Variants in ACYP2 observed in about 807,000 individuals in gnomAD.
ACYP2 encodes acylphosphatase-2.
Under a neutral mutation model 11.2 loss-of-function variants are expected in ACYP2, and 12 were observed. The ratio of observed to expected loss-of-function variants is 1.08; its 90% CI spans 0.69 to 1.74. ACYP2 has a LOEUF of 1.74. Ranked by LOEUF, ACYP2 falls within the 40% of genes most tolerant of loss-of-function variation. ACYP2 has a pLI of 0.00. For missense variants in ACYP2, 134 were observed against 101.9 expected (o/e 1.31, Z -1.35); for synonymous variants, 43 against 32.2 (o/e 1.33, Z -1.13).
At chr2:54,082,065 C>A (rs915107645) in intron 4 of ACYP2, among the ~76,000 whole-genome samples, 2 of 152,214 alleles carry the variant, frequency 1.3e-5, no homozygotes, top group Non-Finnish European at 2.9e-5. Context: ...TGTCCTGCCC[C>A]AGCCTGGAGC....
chr2:53,994,191 G>A (rs534191683), intron 2 of ACYP2, among the ~76,000 whole-genome samples: 64 of 152,106 alleles, frequency 4.2e-4, no homozygotes, highest in African/African-American at 1.5e-3. Flanking sequence ...TTAGCTGGGC[G>A]TGGTGGCAGG....
At chr2:54,249,611 T>C (rs1026759145) in intron 6 of ACYP2, among the ~76,000 whole-genome samples, 1 of 152,060 alleles carries the variant, frequency 6.6e-6, no homozygotes, top group African/African-American at 2.4e-5. Flanking sequence ...AGGTAAATCT[T>C]CATATTTAGA....
At chr2:54,138,053 A>T (rs995316642) in intron 5 of ACYP2, among the ~76,000 whole-genome samples, 2 of 151,886 alleles carry the variant, frequency 1.3e-5, no homozygotes, top group East Asian at 3.9e-4. Flanking sequence ...GCATTTTTTC[A>T]TATGCTTCTT....
chr2:54,027,837 CTTTTTTTTT>C (rs34122179), intron 2 of ACYP2, among the ~76,000 whole-genome samples: 1 of 97,892 alleles, frequency 1.0e-5, no homozygotes, highest in African/African-American at 4.2e-5. Context: ...TTCTTTCTTT[CTTTTTTTTT>C]TTTTTTTTTT....
intron 2 of ACYP2, among the ~76,000 whole-genome samples, chr2:54,044,089 C>T (rs543050342): frequency 6.6e-6 from 1 of 152,250 alleles, no homozygotes; most frequent in East Asian, 1.9e-4. Context: ...TCTAGATCTC[C>T]ATCTCCAAAC....
chr2:54,067,656 A>G (rs575245308), intron 4 of ACYP2, among the ~76,000 whole-genome samples: 2 of 152,198 alleles, frequency 1.3e-5, no homozygotes, highest in African/African-American at 2.4e-5. Flanking sequence ...TGGTAACTGT[A>G]CCTAAAATTA....
intron 2 of ACYP2, among the ~76,000 whole-genome samples, chr2:54,014,097 G>A (rs1311164044): frequency 1.3e-5 from 2 of 151,998 alleles, no homozygotes; most frequent in Non-Finnish European, 2.9e-5. Flanking sequence ...GGCGGAAATT[G>A]CAGTGAGCTG....
chr2:54,112,306 A>C (rs1486849447), intron 4 of ACYP2, among the ~76,000 whole-genome samples: 1 of 152,244 alleles, frequency 6.6e-6, no homozygotes, highest in Non-Finnish European at 1.5e-5. Context: ...CTCAGGTTAC[A>C]AAACCAAAGC....
At chr2:53,992,107 CCTCCCTCT>C (rs1672327904) in intron 2 of ACYP2, among the ~76,000 whole-genome samples, 3 of 149,984 alleles carry the variant, frequency 2.0e-5, no homozygotes, top group African/African-American at 7.4e-5. Context: ...TCCTTCCCTC[CCTCCCTCT>C]CTCCCTTTCT....
In ACYP2 at chr2:54,094,321, AGGTTCAAGC is replaced by A. The variant is rs1474482053; in HGVS notation, c.277+36962_277+36970del. 2.7e-5 allele frequency among the ~76,000 whole-genome samples: 4 copies of A among 149,436 alleles called. No individual in the cohort carries two copies. In the East Asian group the frequency reaches 6.0e-4, roughly 22 times the overall value. ...CGGCTCACTGCAAACTTCGCCTCCC[AGGTTCAAGC>A]AATTCTCCTGCCTCAGCCTACCAAA... On this transcript the variant is annotated intron_variant, in intron 4 of 6. Transcript: ENST00000607452.
At position 54,115,593 on chromosome 2, in the gene ACYP2, G is replaced by A. The variant is rs370559800; in HGVS notation, c.278-19860G>A. On this transcript the variant is annotated intron_variant, in intron 4 of 6. Transcript: ENST00000607452. ...CTAGCGTCCGGGACCGGTGACAGGCGCGGGGTGCGCCAAGCAGTCCCATGT... is the reference window on the plus strand; with the variant it reads ...CTAGCGTCCGGGACCGGTGACAGGCACGGGGTGCGCCAAGCAGTCCCATGT... The A allele has an allele frequency of 3.7e-5, 57 of 1,544,628 alleles. No individual in the cohort carries two copies. The Middle Eastern group carries it at 6.5e-4, about 18-fold the overall frequency.
intron 2 of ACYP2, among the ~76,000 whole-genome samples, chr2:54,005,037 T>C (rs1031443470): frequency 6.6e-6 from 1 of 152,138 alleles, no homozygotes; most frequent in Non-Finnish European, 1.5e-5. Context: ...ACTCTCTGTA[T>C]AGTGTCTCTC....
In ACYP2 at chr2:54,278,082, A is replaced by C. The variant is rs537405627; in HGVS notation, c.405-26606A>C. On this transcript the variant is annotated intron_variant, in intron 6 of 6. Coordinates refer to ENST00000607452, the MANE Select transcript of ACYP2 (RefSeq NM_001320586.2). ...AAGCTCTGCCTCCCAGGTTCATGCC[A>C]TTCTCCCGCCTCAGCCTCCTGAGTA... is the stretch of plus-strand genomic sequence containing the variant. Among the ~76,000 whole-genome samples, 623 of 152,230 alleles carry C rather than the reference A, an allele frequency of 4.1e-3. 1 individual carries two copies. Among genetic ancestry groups the C allele is most frequent in the Non-Finnish European group, 7.2e-3 (488 of 68,012 alleles).
intron 6 of ACYP2, among the ~76,000 whole-genome samples, chr2:54,258,188 A>G (rs1687638794): frequency 6.6e-6 from 1 of 152,212 alleles, no homozygotes; most frequent in Non-Finnish European, 1.5e-5. Flanking sequence ...TGCTATGGAA[A>G]AAACAATAGA....
At chr2:54,014,090 G>A (rs980575533) in intron 2 of ACYP2, among the ~76,000 whole-genome samples, 2 of 151,936 alleles carry the variant, frequency 1.3e-5, no homozygotes, top group Non-Finnish European at 2.9e-5. Flanking sequence ...CCTGGGAGGC[G>A]GAAATTGCAG....
chr2:54,124,753 T>C (rs1012036431), intron 4 of ACYP2, among the ~76,000 whole-genome samples: 3 of 152,132 alleles, frequency 2.0e-5, no homozygotes, highest in African/African-American at 7.2e-5. Context: ...CAGGCTAGAG[T>C]GCAGCAGTGT....
At chr2:54,080,633 C>G (rs1677595993) in intron 4 of ACYP2, among the ~76,000 whole-genome samples, 1 of 152,140 alleles carries the variant, frequency 6.6e-6, no homozygotes, top group Admixed American at 6.5e-5. Context: ...GGATTACAGG[C>G]ACCTGCCACC....
chr2:54,158,793 T>A (rs1054561565), intron 6 of ACYP2, among the ~76,000 whole-genome samples: 1 of 152,128 alleles, frequency 6.6e-6, no homozygotes, highest in Non-Finnish European at 1.5e-5. Context: ...AGTAAAAAAA[T>A]TGTATTGATT....
chr2:54,260,103 G>T (rs77831395), intron 6 of ACYP2, among the ~76,000 whole-genome samples: 259 of 152,264 alleles, frequency 1.7e-3, no homozygotes, highest in African/African-American at 6.0e-3. Context: ...AGTGGAGAAG[G>T]AGATGTCAGC....
Sources: gnomAD v4.1 joint callset for allele counts (sites outside exome capture counted in the v4.1 genomes callset) on GRCh38, gnomAD v4.1.1 for gene constraint, MANE v1.5 for transcripts, NCBI Gene and HGNC (gene_info 2026-07-23, HGNC 2026-07-21) for gene names.